The following PVT1 variants were observed in gnomAD, a reference collection of about 807,000 sequenced individuals.
The protein encoded by PVT1 is Pvt1 oncogene.
chr8:128,098,142 C>G (rs939605196), intron 6 of PVT1, among the ~76,000 whole-genome samples: 1 of 152,040 alleles, frequency 6.6e-6, no homozygotes, highest in Non-Finnish European at 1.5e-5. Context: ...CCACCATGTC[C>G]TTGGGGCTGG....
intron 4 of PVT1, among the ~76,000 whole-genome samples, chr8:128,060,717 C>T (rs1438581137): frequency 2.6e-5 from 4 of 152,214 alleles, no homozygotes; most frequent in African/African-American, 4.8e-5. Flanking sequence ...GTCTTCTCTG[C>T]CCATTACAAT....
intron 6 of PVT1, chr8:128,100,980 GT>G: frequency 6.6e-6 from 1 of 152,284 alleles, no homozygotes; most frequent in Non-Finnish European, 1.5e-5. Flanking sequence ...ATCTTTCCAG[GT>G]TTTTTGCATG....
chr8:128,072,409 A>G (rs1563680482), intron 5 of PVT1, among the ~76,000 whole-genome samples: 1 of 152,174 alleles, frequency 6.6e-6, no homozygotes, highest in African/African-American at 2.4e-5. Context: ...CCACCTCCTT[A>G]TTTTTAAAAT....
chr8:127,800,950 G>C (rs762937727), intron 2 of PVT1, among the ~76,000 whole-genome samples: 37 of 152,294 alleles, frequency 2.4e-4, no homozygotes, highest in African/African-American at 8.2e-4. Context: ...TAAGTTGTCC[G>C]GTCAGAGTCA....
intron 3 of PVT1, among the ~76,000 whole-genome samples, chr8:127,955,532 T>C (rs1816557781): frequency 6.6e-6 from 1 of 152,074 alleles, no homozygotes. Context: ...ATACTAAGTT[T>C]CCAACACACA....
chr8:127,870,377 C>A (rs1335853287), intron 2 of PVT1, among the ~76,000 whole-genome samples: 1 of 152,190 alleles, frequency 6.6e-6, no homozygotes, highest in Non-Finnish European at 1.5e-5. Context: ...GGAGCACAGT[C>A]CCGCTGACAC....
chr8:127,810,070 A>G (rs1814575997), intron 2 of PVT1, among the ~76,000 whole-genome samples: 1 of 152,200 alleles, frequency 6.6e-6, no homozygotes, highest in Non-Finnish European at 1.5e-5. Flanking sequence ...CCTGGGACAG[A>G]TGCCCCCCAG....
chr8:127,849,502 G>A (rs1272051164), intron 2 of PVT1, among the ~76,000 whole-genome samples: 3 of 152,196 alleles, frequency 2.0e-5, no homozygotes, highest in African/African-American at 4.8e-5. Flanking sequence ...GGGCCTTGCC[G>A]TTCCTATGAA....
At chr8:127,868,178 G>A (rs1467747206) in intron 2 of PVT1, among the ~76,000 whole-genome samples, 1 of 152,134 alleles carries the variant, frequency 6.6e-6, no homozygotes, top group East Asian at 1.9e-4. Context: ...TCTGCGAGGT[G>A]GTGGGAAGAC....
chr8:127,880,103 A>G (rs1320965552), intron 2 of PVT1, among the ~76,000 whole-genome samples: 1 of 151,482 alleles, frequency 6.6e-6, no homozygotes, highest in Non-Finnish European at 1.5e-5. Context: ...CAACCTGGTT[A>G]TCAACAAATG....
intron 2 of PVT1, among the ~76,000 whole-genome samples, chr8:127,850,500 A>T (rs1815096193): frequency 1.3e-5 from 2 of 150,318 alleles, no homozygotes. Context: ...TAGATTTCAT[A>T]CCACAGAGCA....
At chr8:127,868,646 C>T (rs1815311194) in intron 2 of PVT1, among the ~76,000 whole-genome samples, 1 of 150,766 alleles carries the variant, frequency 6.6e-6, no homozygotes, top group Non-Finnish European at 1.5e-5. Context: ...CTCAGATTAT[C>T]CACCCTCCTA....
At chr8:127,936,874 C>T (rs563002277) in intron 3 of PVT1, among the ~76,000 whole-genome samples, 2 of 152,246 alleles carry the variant, frequency 1.3e-5, no homozygotes, top group South Asian at 4.1e-4. Flanking sequence ...ATAACCTCTT[C>T]TCCCTAGACA....
chr8:128,000,824 G>A (rs1385069391), intron 4 of PVT1, among the ~76,000 whole-genome samples: 2 of 152,188 alleles, frequency 1.3e-5, no homozygotes, highest in African/African-American at 2.4e-5. Context: ...GCTCTGCAAG[G>A]TCCTCCAGGC....
At chr8:127,835,711 G>A (rs894391752) in intron 2 of PVT1, among the ~76,000 whole-genome samples, 1 of 152,092 alleles carries the variant, frequency 6.6e-6, no homozygotes, top group Admixed American at 6.5e-5. Flanking sequence ...CCTGTTGATC[G>A]AGTGAATGAG....
chr8:127,913,475 T>C (rs1350021682), intron 3 of PVT1, among the ~76,000 whole-genome samples: 1 of 152,178 alleles, frequency 6.6e-6, no homozygotes. Context: ...CCTTTCTCTC[T>C]GCTGAAGAAC....
intron 3 of PVT1, among the ~76,000 whole-genome samples, chr8:127,988,329 G>C (rs1484163485): frequency 5.3e-5 from 8 of 152,198 alleles, no homozygotes; most frequent in Non-Finnish European, 1.2e-4. Flanking sequence ...TGGTGGGGGG[G>C]CCTGAAAAGG....
At chr8:127,977,818 C>T (rs1371834475) in intron 3 of PVT1, among the ~76,000 whole-genome samples, 2 of 152,210 alleles carry the variant, frequency 1.3e-5, no homozygotes, top group African/African-American at 4.8e-5. Flanking sequence ...TTGAAGGCTT[C>T]TTATCACTAT....
chr8:127,927,990 G>T (rs577485179), intron 3 of PVT1, among the ~76,000 whole-genome samples: 10 of 152,334 alleles, frequency 6.6e-5, no homozygotes, highest in African/African-American at 2.4e-4. Context: ...TGGCTGCCTT[G>T]CCAAGCTGGT....
Sources: allele counts gnomAD v4.1 joint callset (sites outside exome capture counted in the v4.1 genomes callset), GRCh38; gene constraint gnomAD v4.1.1; transcripts MANE v1.5; gene names NCBI Gene and HGNC (gene_info 2026-07-23, HGNC 2026-07-21).